SAFB: variants seen among roughly 807,000 people sequenced by gnomAD.
SAFB encodes scaffold attachment factor B.
A neutral mutation model predicts 101.6 loss-of-function variants in SAFB; 15 were observed. That is an observed-to-expected ratio of 0.15 (90% CI 0.10 to 0.23). SAFB has a LOEUF of 0.23. SAFB is among the 10% of genes least tolerant of loss of function. SAFB has a pLI of 1.00. For missense variants in SAFB, 930 were observed against 1,104.1 expected, an observed-to-expected ratio of 0.84 and a Z score of 2.23; for synonymous variants, 449 against 407.5, an observed-to-expected ratio of 1.10 and a Z score of -1.23.
chr19:5,657,018 G>A (rs890884019), intron 13 of SAFB, among the ~76,000 whole-genome samples: 1 of 151,956 alleles, frequency 6.6e-6, no homozygotes, highest in African/African-American at 2.4e-5. Context: ...TGATCTGTCC[G>A]TCTCAGCCTC....
At chr19:5,646,395 G>A (rs1404310100) in intron 5 of SAFB, among the ~76,000 whole-genome samples, 3 of 152,116 alleles carry the variant, frequency 2.0e-5, no homozygotes, top group East Asian at 3.8e-4. Flanking sequence ...AAATTGACAC[G>A]GCCATTCCCG....
Position 5,640,332 on chromosome 19 carries a change from T to C in SAFB, c.275-1262T>C, listed in dbSNP as rs2053679216. Among the ~76,000 whole-genome samples, 2 of 151,818 alleles carry C rather than the reference T, an allele frequency of 1.3e-5. 1 individual carries two copies. The highest frequency in any genetic ancestry group is 4.1e-4 in the South Asian group (2 of 4,822). ...CAAAGATAAAGAAAAATAGCAAATT[T>C]TTAACAGAGATTCAAGAAAGATTGG... On this transcript the variant is annotated intron_variant, in intron 2 of 20. Transcript: ENST00000588852.
intron 1 of SAFB, among the ~76,000 whole-genome samples, chr19:5,624,389 C>G (rs950801435): frequency 2.6e-5 from 4 of 152,132 alleles, no homozygotes; most frequent in Non-Finnish European, 5.9e-5. Context: ...CACCACGAGT[C>G]CTCATTTGCA....
intron 7 of SAFB, 172 bp downstream of exon 7, chr19:5,649,671 CCTTTT>C: frequency 1.6e-6 from 1 of 638,864 alleles, no homozygotes; most frequent in East Asian, 2.8e-5. Flanking sequence ...TGATTCAATT[CCTTTT>C]CTTTTTCTCA....
intron 14 of SAFB, among the ~76,000 whole-genome samples, chr19:5,660,704 CAAAAA>C (rs60011056): frequency 0.03 from 2,279 of 76,588 alleles, 63 homozygotes; most frequent in African/African-American, 0.1. Flanking sequence ...CCATCTCTAC[CAAAAA>C]AAAAAAAAAA....
Position 5,653,353 on chromosome 19 carries a change from G to A in SAFB, c.1459G>A (p.Val487Met), listed in dbSNP as rs377322398. The A allele has an allele frequency of 1.2e-6, 2 of 1,614,172 alleles. No homozygotes were observed. The highest frequency in any genetic ancestry group is 1.7e-6 in the Non-Finnish European group (2 of 1,180,024). ...TCTTTTTCAGGCCAAAAATGAACCTGTGGGAAAGAAAACCTCTGACAAAAG... is the reference window on the plus strand; with the variant it reads ...TCTTTTTCAGGCCAAAAATGAACCTATGGGAAAGAAAACCTCTGACAAAAG... ...ISVEKAKNEPVGKKTSDKRDS... is the reference protein window; with the variant it reads ...ISVEKAKNEPMGKKTSDKRDS... The change falls in exon 11 of 21, where the codon GTG becomes ATG. Residue 487 changes from valine to methionine, a missense_variant. Transcript: ENST00000588852.
chr19:5,661,926 G>A (rs1274332457), intron 15 of SAFB, 118 bp downstream of exon 15: 14 of 778,338 alleles, frequency 1.8e-5, no homozygotes, highest in Non-Finnish European at 2.6e-5. Context: ...GCTTTGTCGC[G>A]GAGGCTGGAG....
At chr19:5,624,842 T>G (rs2053319632) in intron 1 of SAFB, among the ~76,000 whole-genome samples, 1 of 152,202 alleles carries the variant, frequency 6.6e-6, no homozygotes, top group Non-Finnish European at 1.5e-5. Context: ...CCCACTGATC[T>G]ACATATTTAC....
intron 2 of SAFB, among the ~76,000 whole-genome samples, chr19:5,635,398 A>G (rs572384143): frequency 4.6e-5 from 7 of 152,068 alleles, no homozygotes; most frequent in African/African-American, 9.7e-5. Context: ...GCTTATTTCC[A>G]TATGTATCAT....
intron 1 of SAFB, among the ~76,000 whole-genome samples, chr19:5,625,939 G>A (rs564471170): frequency 6.6e-6 from 1 of 152,180 alleles, no homozygotes; most frequent in Non-Finnish European, 1.5e-5. Context: ...GTACAGGCAC[G>A]GCGTGGAGGG....
At chr19:5,623,536 C>T (rs1423954629) in intron 1 of SAFB, 142 bp downstream of exon 1, 2 of 672,406 alleles carry the variant, frequency 3.0e-6, no homozygotes, top group African/African-American at 2.0e-5. Flanking sequence ...CCCGGCTCCT[C>T]CGAGGCCCCG....
intron 15 of SAFB, 147 bp from the exon 16 acceptor site, chr19:5,663,875 C>T (rs927076098): frequency 3.6e-6 from 3 of 835,680 alleles, no homozygotes; most frequent in Non-Finnish European, 5.5e-6. Context: ...TCACTGGGGT[C>T]AAATCAGACC....
intron 5 of SAFB, among the ~76,000 whole-genome samples, chr19:5,646,834 T>TG (rs768635361): frequency 7.2e-5 from 11 of 152,200 alleles, no homozygotes; most frequent in African/African-American, 1.4e-4. Flanking sequence ...CCCATGCTCG[T>TG]GGGGCCTGGC....
chr19:5,657,674 G>A lies in SAFB; in HGVS notation c.1862+327G>A, dbSNP rs185339199. The stretch of plus-strand genomic sequence containing the variant: ...TGAGTAGCTGGGACTATAGGCGTGC[G>A]CCACCACACCTGGCTAATTTTTGTA... On this transcript the variant is annotated intron_variant, in intron 14 of 20. Coordinates refer to ENST00000588852, the MANE Select transcript of SAFB (RefSeq NM_001201338.2). Among the ~76,000 whole-genome samples, 44 of 151,996 alleles carry A rather than the reference G, an allele frequency of 2.9e-4. 1 individual carries two copies. Among genetic ancestry groups the A allele is most frequent in the Admixed American group, 1.8e-3 (28 of 15,264 alleles).
In SAFB at chr19:5,641,941, C is replaced by T; in HGVS notation, c.541C>T (p.His181Tyr). 1 of 1,613,448 alleles carries T rather than the reference C, an allele frequency of 6.2e-7. No homozygotes were observed. The highest frequency in any genetic ancestry group is 8.5e-7 in the Non-Finnish European group (1 of 1,179,394). ...AGAGCTTCCGGAGCAGCTTCAGGAA[C>T]ATGCTGTAGGTAACCGGCAATGTCT... is the stretch of plus-strand genomic sequence containing the variant. ...MKELPEQLQE[H>Y]AIEDKETINN... Residue 181 changes from histidine to tyrosine, a missense_variant, in exon 4 of 21, where the codon CAT becomes TAT. His to Tyr is a moderately conservative substitution (Grantham distance 83, BLOSUM62 2). Around this residue, in one of 7 missense-constraint regions of SAFB, gnomAD observed 130 missense variants for 114.2 expected, o/e 1.14. Coordinates refer to ENST00000588852, the MANE Select transcript of SAFB (RefSeq NM_001201338.2).
At chr19:5,654,486 T>C (rs768553064) in intron 13 of SAFB, 30 bp downstream of exon 13, 1 of 1,277,294 alleles carries the variant, frequency 7.8e-7, no homozygotes, top group Non-Finnish European at 1.1e-6. Context: ...CTAGGGTATT[T>C]TGCTCTTCTT....
Position 5,668,357 on chromosome 19 carries a change from CTG to C in SAFB, c.*70_*71del. 3 of 1,527,408 alleles carry C rather than the reference CTG, an allele frequency of 2.0e-6. No individual in the cohort carries two copies. Among genetic ancestry groups the C allele is most frequent in the East Asian group, 2.4e-5 (1 of 40,926 alleles). 94.6% of individuals were successfully genotyped at this position (1,527,408 alleles called of 1,614,324 possible). On this transcript the variant is annotated 3_prime_UTR_variant, in exon 21 of 21. Coordinates refer to ENST00000588852, the MANE Select transcript of SAFB (RefSeq NM_001201338.2). ...ATGTTCTGTTAGGAGTTACCTTAAA[CTG>C]TGTAAAAATATTTTTTTTTAATCTG...
intron 1 of SAFB, 140 bp from the exon 2 acceptor site, chr19:5,626,264 GA>G: frequency 1.8e-6 from 1 of 554,626 alleles, no homozygotes; most frequent in South Asian, 2.4e-5. Context: ...CAGATGAGTG[GA>G]TGGGCCACAG....
rs1161820036 is a variant in SAFB, at chr19:5,667,544, G to T, written c.2557+94G>T. ...CTCTCCTTGGGGGAGCACAGGAGGT[G>T]CTCTGCTCTCAGTGCTGGAATGAGG... On this transcript the variant is annotated intron_variant, in intron 19 of 20. Transcript: ENST00000588852. This position sits in a 1 kb window ranked among gnomAD's most constrained non-coding sequence, Gnocchi z 4.0. 7.8e-6 allele frequency: 7 copies of T among 892,674 alleles called. No homozygotes were observed. In the East Asian group the frequency reaches 1.3e-4, roughly 17 times the overall value. 55.3% of individuals were successfully genotyped at this position (892,674 alleles called of 1,614,324 possible).
Sources: gnomAD v4.1 joint callset for allele counts (sites outside exome capture counted in the v4.1 genomes callset) on GRCh38, gnomAD v4.1.1 for gene constraint, gnomAD v4.1.1 regional missense constraint, Gnocchi (gnomAD v3.1) non-coding constraint, MANE v1.5 for transcripts, NCBI Gene and HGNC (gene_info 2026-07-23, HGNC 2026-07-21) for gene names.